Variants in MMP14 observed in about 807,000 individuals in gnomAD.
MMP14 encodes matrix metalloproteinase-14.
A neutral mutation model predicts 64.8 loss-of-function variants in MMP14; 13 were observed. That is an observed-to-expected ratio of 0.20 (90% CI 0.13 to 0.32). The LOEUF (loss-of-function observed/expected upper bound fraction) is 0.32. Ranked by LOEUF, MMP14 falls within the 10% of genes least tolerant of loss-of-function variation. The probability of loss-of-function intolerance (pLI) is 1.00; values close to 1 mark genes in which losing one functional copy is unlikely to be tolerated. For missense variants in MMP14, 594 were observed against 783.8 expected (o/e 0.76, Z 2.89); for synonymous variants, 322 against 315.9 (o/e 1.02, Z -0.20).
At position 22,844,211 on chromosome 14, in the gene MMP14, C is replaced by CG. The variant is rs568069879; in HGVS notation, c.1012-153dup. On this transcript the variant is annotated intron_variant, in intron 6 of 9. Transcript: ENST00000311852. ...GACTCCATCTCAAAAAAAAAAAAGG[C>CG]GGGGGGGTACTCTGTGGTAGGGCGG... Among the ~76,000 whole-genome samples the CG allele has an allele frequency of 6.5e-3, 968 of 149,272 alleles. 4 individuals are homozygous for CG. Among genetic ancestry groups the CG allele is most frequent in the Admixed American group, 0.011 (172 of 15,016 alleles).
At chr14:22,837,258 G>T (rs966968524) in intron 1 of MMP14, 10 of 529,226 alleles carry the variant, frequency 1.9e-5, no homozygotes, top group Admixed American at 9.0e-5. Flanking sequence ...CTCTGGAACC[G>T]CCTGATAAAC....
chr14:22,836,900 C>G lies in MMP14; in HGVS notation c.83C>G (p.Ala28Gly). Residue 28 changes from alanine (A) to glycine (G), a missense_variant, in exon 1 of 10, where the codon GCC (alanine) becomes GGC (glycine). By Grantham distance (60) the Ala-to-Gly change is moderately conservative. Coordinates refer to ENST00000311852, the MANE Select transcript of MMP14 (RefSeq NM_004995.4). ...LGTALASLGSAQSSSFSPEAW... is the reference protein window; with the variant it reads ...LGTALASLGSGQSSSFSPEAW... ...ACCGCGCTCGCCTCCCTCGGCTCGG[C>G]CCAAAGCAGCAGCTTCAGCCCCGAA... is the stretch of plus-strand genomic sequence containing the variant. 1.2e-6 allele frequency: 2 copies of G among 1,613,708 alleles called. No homozygotes were observed. Among genetic ancestry groups the G allele is most frequent in the African/African-American group, 1.3e-5 (1 of 75,050 alleles).
At chr14:22,840,886 A>G (rs1374899317) in intron 1 of MMP14, among the ~76,000 whole-genome samples, 1 of 152,208 alleles carries the variant, frequency 6.6e-6, no homozygotes, top group African/African-American at 2.4e-5. Flanking sequence ...CAGCGGCAGG[A>G]TCCTGGCTTC....
chr14:22,845,160 T>C, intron 8 of MMP14, 91 bp from the exon 9 acceptor site: 2 of 904,934 alleles, frequency 2.2e-6, no homozygotes, highest in Non-Finnish European at 3.5e-6. Context: ...TCCACAGCTA[T>C]CCTTTGCCCA....
chr14:22,840,629 C>T (rs1024475111), intron 1 of MMP14, among the ~76,000 whole-genome samples: 2 of 152,076 alleles, frequency 1.3e-5, no homozygotes, highest in African/African-American at 4.8e-5. Context: ...CTGCCTCAGC[C>T]TCCTGAGTAG....
rs2039732667 is a variant in MMP14, at chr14:22,836,688, C to T, written c.-130C>T. The T allele has an allele frequency of 1.8e-6, 1 of 556,690 alleles. No homozygotes were observed. Among genetic ancestry groups the T allele is most frequent in the South Asian group, 2.5e-5 (1 of 39,424 alleles). 34.5% of individuals were successfully genotyped at this position (556,690 alleles called of 1,614,324 possible). A position where few individuals can be genotyped will look rare whatever the true frequency, so the allele number is the denominator to read the frequency against. ...ACAATCCCCTTTAACTCCAAGCCGA[C>T]AGCGGTCTAGGAATTCAAGTTCAGT... On this transcript the variant is annotated 5_prime_UTR_variant, in exon 1 of 10. Transcript: ENST00000311852.
At chr14:22,841,450 G>A (rs377359044) in intron 1 of MMP14, 41 bp from the exon 2 acceptor site, 1 of 1,605,658 alleles carries the variant, frequency 6.2e-7, no homozygotes, top group African/African-American at 1.3e-5. Context: ...CACCCTATGG[G>A]CCAGGTGGGG....
At position 22,843,445 on chromosome 14, in the gene MMP14, C is replaced by G. The variant is rs372846654; in HGVS notation, c.850+27C>G. On this transcript the variant is annotated intron_variant, in intron 5 of 9. Transcript: ENST00000311852. The surrounding 1 kb of genome is among the most constrained non-coding windows in gnomAD (Gnocchi z 4.8). ...CGAGTAGTCTACACCCACGCCTGCT[C>G]CCTCCTCTGCTGCTTGTTCCCTCCT... The G allele has an allele frequency of 4.4e-6, 7 of 1,599,302 alleles. No homozygotes were observed. In the African/African-American group the frequency reaches 9.4e-5, roughly 21 times the overall value.
In MMP14 at chr14:22,844,764, T is replaced by G; in HGVS notation, c.1285T>G (p.Phe429Val). 6.2e-7 allele frequency: 1 copy of G among 1,614,056 alleles called. No individual in the cohort carries two copies. Among genetic ancestry groups the G allele is most frequent in the Non-Finnish European group, 8.5e-7 (1 of 1,180,018 alleles). ...LFWMPNGKTY[F>V]FRGNKYYRFN... ...CTGGATGCCCAATGGAAAGACCTAC[T>G]TCTTCCGTGGAAACAAGTAAGACCT... is the stretch of plus-strand genomic sequence containing the variant. Residue 429 changes from phenylalanine (F) to valine (V), a missense_variant, in exon 8 of 10, where the codon TTC (phenylalanine) becomes GTC (valine). By Grantham distance (50) the Phe-to-Val change is conservative. Coordinates refer to ENST00000311852, the MANE Select transcript of MMP14 (RefSeq NM_004995.4).
At position 22,842,545 on chromosome 14, in the gene MMP14, G is replaced by A; in HGVS notation, c.516G>A (p.Glu172=). The change falls in exon 4 of 10, where the codon GAG becomes GAA. Residue 172 remains glutamate (E), a synonymous_variant. Coordinates refer to ENST00000311852, the MANE Select transcript of MMP14 (RefSeq NM_004995.4). The surrounding 1 kb of genome is among the most constrained non-coding windows in gnomAD (Gnocchi z 5.3). ...VPYAYIREGH[E]KQADIMIFFA... ...ATGCCTACATCCGTGAGGGCCATGAGAAGCAGGCCGACATCATGATCTTCT... is the reference window on the plus strand; with the variant it reads ...ATGCCTACATCCGTGAGGGCCATGAAAAGCAGGCCGACATCATGATCTTCT... 2 of 1,614,204 alleles carry A rather than the reference G, an allele frequency of 1.2e-6. No individual in the cohort carries two copies. Among genetic ancestry groups the A allele is most frequent in the Non-Finnish European group, 1.7e-6 (2 of 1,180,014 alleles).
intron 1 of MMP14, among the ~76,000 whole-genome samples, chr14:22,838,124 G>C (rs2039748176): frequency 6.6e-6 from 1 of 152,202 alleles, no homozygotes; most frequent in East Asian, 1.9e-4. Context: ...GGTGGAAGAC[G>C]AAACGTGGAG....
chr14:22,836,750 G>A lies in MMP14; in HGVS notation c.-68G>A. On this transcript the variant is annotated 5_prime_UTR_variant, in exon 1 of 10. It adds an upstream start codon to the 5' untranslated region. Transcript: ENST00000311852. ...ACAAAGGCGCCCCGAGGGAGTGGCG[G>A]TGCGACCCCAGGGCGTGGGCCCGGC... is the stretch of plus-strand genomic sequence containing the variant. The A allele has an allele frequency of 2.1e-6, 2 of 932,300 alleles. No homozygotes were observed. The highest frequency in any genetic ancestry group is 1.6e-6 in the Non-Finnish European group (1 of 634,808). 57.8% of individuals were successfully genotyped at this position (932,300 alleles called of 1,614,324 possible). A position where few individuals can be genotyped will look rare whatever the true frequency, so the allele number is the denominator to read the frequency against.
Position 22,845,267 on chromosome 14 carries a change from G to A in MMP14, c.1318G>A (p.Glu440Lys), listed in dbSNP as rs1176285078. Residue 440 changes from glutamate to lysine, a missense_variant, in exon 9 of 10, where the codon GAA becomes AAA. By Grantham distance (56) the Glu-to-Lys change is moderately conservative (BLOSUM62 1). Transcript: ENST00000311852. ...CTTCCCCAGGTACTACCGTTTCAAC[G>A]AAGAGCTCAGGGCAGTGGATAGCGA... The part of the protein sequence containing the change: ...FRGNKYYRFN[E>K]ELRAVDSEYP... 4.8e-5 allele frequency: 78 copies of A among 1,613,660 alleles called. No individual in the cohort carries two copies. The highest frequency in any genetic ancestry group is 6.3e-5 in the Non-Finnish European group (74 of 1,179,866).
At position 22,842,626 on chromosome 14, in the gene MMP14, G is replaced by A; in HGVS notation, c.597G>A (p.Leu199=). The A allele has an allele frequency of 6.2e-7, 1 of 1,614,158 alleles. No individual in the cohort carries two copies. The highest frequency in any genetic ancestry group is 8.5e-7 in the Non-Finnish European group (1 of 1,180,034). The part of the protein sequence containing the change: ...STPFDGEGGF[L]AHAYFPGPNI... ...CCTTCGATGGTGAGGGCGGCTTCCT[G>A]GCCCATGCCTACTTCCCAGGCCCCA... Residue 199 remains leucine, a synonymous_variant, in exon 4 of 10, where the codon CTG becomes CTA. Coordinates refer to ENST00000311852, the MANE Select transcript of MMP14 (RefSeq NM_004995.4). The surrounding 1 kb of genome is among the most constrained non-coding windows in gnomAD (Gnocchi z 5.3).
chr14:22,842,075 A>T lies in MMP14; in HGVS notation c.380+40A>T. The T allele has an allele frequency of 6.2e-7, 1 of 1,613,066 alleles. No individual in the cohort carries two copies. The highest frequency in any genetic ancestry group is 8.5e-7 in the Non-Finnish European group (1 of 1,179,250). On this transcript the variant is annotated intron_variant, in intron 3 of 9. Coordinates refer to ENST00000311852, the MANE Select transcript of MMP14 (RefSeq NM_004995.4). This position sits in a 1 kb window ranked among gnomAD's most constrained non-coding sequence, Gnocchi z 5.3. Reference sequence around the variant, plus strand: ...CAAGCAACCTTTCTCACATCTGGTTATTATTTCCTACCCATTGTGCTTATG... The same window carrying T: ...CAAGCAACCTTTCTCACATCTGGTTTTTATTTCCTACCCATTGTGCTTATG...
chr14:22,844,945 C>T (rs1464854478), intron 8 of MMP14, among the ~76,000 whole-genome samples, 165 bp downstream of exon 8: 1 of 152,118 alleles, frequency 6.6e-6, no homozygotes, highest in Non-Finnish European at 1.5e-5. Flanking sequence ...CCTTTGGGCA[C>T]CGTGTGAGTG....
rs776733080 is a variant in MMP14, at chr14:22,842,504, T to G, written c.475T>G (p.Phe159Val). 6.2e-7 allele frequency: 1 copy of G among 1,614,092 alleles called. No homozygotes were observed. Among genetic ancestry groups the G allele is most frequent in the Non-Finnish European group, 8.5e-7 (1 of 1,179,978 alleles). The change falls in exon 4 of 10, where the codon TTC becomes GTC. Residue 159 changes from phenylalanine to valine, a missense_variant. This residue lies in a region of MMP14 where 179 missense variants were observed against 283.4 expected (regional missense o/e 0.63). Transcript: ENST00000311852. The surrounding 1 kb of genome is among the most constrained non-coding windows in gnomAD (Gnocchi z 5.3). ...GTGGGAGAGTGCCACACCACTGCGC[T>G]TCCGCGAGGTGCCCTATGCCTACAT... ...RVWESATPLR[F>V]REVPYAYIRE...
At chr14:22,844,230 A>G (rs1326602117) in intron 6 of MMP14, 141 bp from the exon 7 acceptor site, 2 of 1,231,938 alleles carry the variant, frequency 1.6e-6, no homozygotes, top group Admixed American at 2.2e-5. Context: ...ACTCTGTGGT[A>G]GGGCGGCTGG....
At chr14:22,837,343 C>G (rs1204039125) in intron 1 of MMP14, 1 of 457,924 alleles carries the variant, frequency 2.2e-6, no homozygotes, top group African/African-American at 2.0e-5. Context: ...CTTCGACTTC[C>G]CAGCTCTCCA....
Sources: gnomAD v4.1 joint callset for allele counts (sites outside exome capture counted in the v4.1 genomes callset) on GRCh38, gnomAD v4.1.1 for gene constraint, gnomAD v4.1.1 regional missense constraint, Gnocchi (gnomAD v3.1) non-coding constraint, MANE v1.5 for transcripts, NCBI Gene and HGNC (gene_info 2026-07-23, HGNC 2026-07-21) for gene names.